The following PCDHGB1 variants were observed in gnomAD, a reference collection of about 807,000 sequenced individuals.
The protein encoded by PCDHGB1 is protocadherin gamma-B1.
A neutral mutation model predicts 56.6 loss-of-function variants in PCDHGB1; 34 were observed. The observed-to-expected ratio is 0.60, with a 90% CI of 0.46 to 0.80. The LOEUF (loss-of-function observed/expected upper bound fraction) is 0.80. PCDHGB1 is among the 30% of genes least tolerant of loss of function. The pLI is 0.00. For synonymous variants in PCDHGB1, 561 were observed against 505.9 expected, an observed-to-expected ratio of 1.11 and a Z score of -1.46; for missense variants, 1,278 against 1,204.6, an observed-to-expected ratio of 1.06 and a Z score of -0.90.
rs771138206 is a variant in PCDHGB1, at chr5:141,365,985, T to A, written c.2409+13316T>A. ...AGCAACGTGTCGCTGAGCCTGTTTG[T>A]GCTGGACCAGAACGACAATACGCCT... On this transcript the variant is annotated intron_variant, in intron 1 of 3. Coordinates refer to ENST00000523390, the MANE Select transcript of PCDHGB1 (RefSeq NM_018922.3). 6.2e-6 allele frequency: 10 copies of A among 1,614,116 alleles called. No individual in the cohort carries two copies. In the Admixed American group the frequency reaches 1.3e-4, roughly 22 times the overall value.
In PCDHGB1 at chr5:141,409,837, C is replaced by G. The variant is rs182654621; in HGVS notation, c.2409+57168C>G. 823 of 1,611,470 alleles carry G rather than the reference C, an allele frequency of 5.1e-4. 5 individuals carry two copies. The East Asian group carries it at 9.5e-3, about 19-fold the overall frequency. On this transcript the variant is annotated intron_variant, in intron 1 of 3. Coordinates refer to ENST00000523390, the MANE Select transcript of PCDHGB1 (RefSeq NM_018922.3). ...ACGGCTCGCCCACGCTCAGCGCCAACGTGAGCCTGCGCGTGTTGGTGGGAG... is the reference window on the plus strand; with the variant it reads ...ACGGCTCGCCCACGCTCAGCGCCAAGGTGAGCCTGCGCGTGTTGGTGGGAG...
At chr5:141,502,621 A>G (rs918589202) in intron 2 of PCDHGB1, among the ~76,000 whole-genome samples, 3 of 152,162 alleles carry the variant, frequency 2.0e-5, no homozygotes, top group African/African-American at 7.2e-5. Context: ...AAATATAAGT[A>G]ATCTGTGGAT....
At chr5:141,407,505 T>TTTTTTTTTTTTTTTTTTTTTGAG (rs1460306566) in intron 1 of PCDHGB1, among the ~76,000 whole-genome samples, 2 of 152,146 alleles carry the variant, frequency 1.3e-5, no homozygotes, top group African/African-American at 4.8e-5. Context: ...CTGTTTTTCT[T>TTTTTTTTTTTTTTTTTTTTTGAG]AGGCTATGTA....
intron 1 of PCDHGB1, among the ~76,000 whole-genome samples, chr5:141,450,025 G>C (rs963999877): frequency 2.7e-5 from 1 of 36,752 alleles, no homozygotes; most frequent in Non-Finnish European, 5.4e-5. Context: ...TTTTTTTTTT[G>C]AGACAGGGTC....
intron 1 of PCDHGB1, chr5:141,384,574 C>G (rs1229577686): frequency 1.9e-6 from 3 of 1,614,228 alleles, no homozygotes; most frequent in South Asian, 1.1e-5. Flanking sequence ...GAATGACAAC[C>G]CGCCCGAGAT....
chr5:141,457,279 G>A (rs948609305), intron 1 of PCDHGB1, among the ~76,000 whole-genome samples: 2 of 152,190 alleles, frequency 1.3e-5, no homozygotes, highest in African/African-American at 4.8e-5. Flanking sequence ...GTGGGCCTAC[G>A]AAGTTCCTTG....
intron 1 of PCDHGB1, chr5:141,410,848 T>TA: frequency 1.9e-5 from 7 of 365,918 alleles, no homozygotes; most frequent in Non-Finnish European, 3.2e-5. Context: ...TTTGTCTTTG[T>TA]CTTTTTTTTT....
intron 1 of PCDHGB1, chr5:141,420,315 A>G (rs755723069): frequency 6.2e-6 from 9 of 1,440,144 alleles, no homozygotes; most frequent in Non-Finnish European, 8.4e-6. Context: ...TTATATTACA[A>G]TATGCCAATA....
chr5:141,390,300 T>C, intron 1 of PCDHGB1: 2 of 1,613,822 alleles, frequency 1.2e-6, no homozygotes, highest in Non-Finnish European at 1.7e-6. Flanking sequence ...CCTTTAAGTA[T>C]AATTTAATGC....
intron 1 of PCDHGB1, among the ~76,000 whole-genome samples, chr5:141,443,210 G>A (rs142248407): frequency 3.2e-4 from 49 of 151,888 alleles, no homozygotes; most frequent in African/African-American, 9.4e-4. Context: ...AGCTTGTCTC[G>A]CCAGGCGCAT....
intron 1 of PCDHGB1, among the ~76,000 whole-genome samples, chr5:141,387,402 T>C (rs953681527): frequency 6.6e-5 from 10 of 152,186 alleles, no homozygotes; most frequent in African/African-American, 2.4e-4. Context: ...TGTTTGAAGA[T>C]TGGGGAAAGC....
intron 1 of PCDHGB1, among the ~76,000 whole-genome samples, chr5:141,462,086 A>G (rs993185274): frequency 6.6e-6 from 1 of 151,408 alleles, no homozygotes; most frequent in Non-Finnish European, 1.5e-5. Flanking sequence ...GCCTCCCAAA[A>G]TGCTGGGATT....
rs1440733700 is a variant in PCDHGB1 at position 141,441,803 on chromosome 5, G to A, written c.2410-53004G>A. 249 of 383,164 alleles carry A rather than the reference G, an allele frequency of 6.5e-4. 2 individuals carry two copies. Among genetic ancestry groups the A allele is most frequent in the African/African-American group, 4.8e-3 (220 of 45,902 alleles). The allele number at this position is 383,164 out of a possible 1,614,324, so 23.7% of individuals were successfully genotyped here. The stretch of plus-strand genomic sequence containing the variant: ...ACCTGAATGACAACGCACCGCGGGT[G>A]CTGTACCCCAGCTCTGGAGCGCAAT... On this transcript the variant is annotated intron_variant, in intron 1 of 3. Coordinates refer to ENST00000523390, the MANE Select transcript of PCDHGB1 (RefSeq NM_018922.3).
intron 3 of PCDHGB1, among the ~76,000 whole-genome samples, chr5:141,509,338 C>T (rs2099876319): frequency 6.6e-6 from 1 of 152,188 alleles, no homozygotes; most frequent in Admixed American, 6.5e-5. Flanking sequence ...CCAGCTGGGC[C>T]TGGGCTGGCC....
At chr5:141,368,533 CT>C (rs1239634165) in intron 1 of PCDHGB1, among the ~76,000 whole-genome samples, 2 of 152,024 alleles carry the variant, frequency 1.3e-5, no homozygotes, top group Non-Finnish European at 2.9e-5. Context: ...TGAAAACTTG[CT>C]TTTCCATTTT....
At chr5:141,413,151 T>C (rs1192899612) in intron 1 of PCDHGB1, 5 of 1,573,560 alleles carry the variant, frequency 3.2e-6, no homozygotes, top group South Asian at 1.2e-5. Context: ...GTGAGGACTT[T>C]GCAGAATTCT....
At chr5:141,420,214 C>G (rs1356792048) in intron 1 of PCDHGB1, 1 of 1,611,064 alleles carries the variant, frequency 6.2e-7, no homozygotes, top group Admixed American at 1.7e-5. Context: ...ACAAAGATAG[C>G]ATGCTACTGG....
chr5:141,418,270 A>T, intron 1 of PCDHGB1: 1 of 1,614,052 alleles, frequency 6.2e-7, no homozygotes. Context: ...GGAAAGATGA[A>T]ATAAACTTAG....
rs70988800 is a variant in PCDHGB1 at position 141,379,889 on chromosome 5, C to CTTTTTTTTTTTTTTTTTTTTTT, written c.2409+27229_2409+27250dup. On this transcript the variant is annotated intron_variant, in intron 1 of 3. Coordinates refer to ENST00000523390, the MANE Select transcript of PCDHGB1 (RefSeq NM_018922.3). ...CTTATTTTATGGTCTGTGAAAGCCT[C>CTTTTTTTTTTTTTTTTTTTTTT]TTTTTTTTTTTTTTTTTTTTTTTTT... Among the ~76,000 whole-genome samples the CTTTTTTTTTTTTTTTTTTTTTT allele has an allele frequency of 1.7e-3, 88 of 50,830 alleles. 16 individuals carry two copies. The highest frequency in any genetic ancestry group is 2.3e-3 in the Non-Finnish European group (60 of 25,884). 33.3% of individuals were successfully genotyped at this position (50,830 alleles called of 152,430 possible).
Sources: gnomAD v4.1 joint callset for allele counts (sites outside exome capture counted in the v4.1 genomes callset) on GRCh38, gnomAD v4.1.1 for gene constraint, MANE v1.5 for transcripts, NCBI Gene and HGNC (gene_info 2026-07-23, HGNC 2026-07-21) for gene names.